Variants in SLC10A7 observed in about 807,000 individuals in gnomAD.
The protein encoded by SLC10A7 is sodium/bile acid cotransporter 7.
A neutral mutation model predicts 43.2 loss-of-function variants in SLC10A7; 29 were observed. The ratio of observed to expected loss-of-function variants is 0.67; its 90% CI spans 0.50 to 0.92. The LOEUF is 0.92. Ranked by LOEUF, SLC10A7 falls within the 40% of genes least tolerant of loss-of-function variation. The probability of loss-of-function intolerance (pLI) is 0.00; values close to 1 mark genes in which losing one functional copy is unlikely to be tolerated. For missense variants in SLC10A7, 295 were observed against 403.2 expected (o/e 0.73, Z 2.30); for synonymous variants, 152 against 144.8 (o/e 1.05, Z -0.35).
At chr4:146,407,944 C>T (rs1261467826) in intron 5 of SLC10A7, among the ~76,000 whole-genome samples, 4 of 152,132 alleles carry the variant, frequency 2.6e-5, no homozygotes, top group African/African-American at 9.7e-5. Context: ...TCATTTCCTA[C>T]ACGTGCCATA....
chr4:146,372,978 T>C (rs1736899355), intron 5 of SLC10A7, among the ~76,000 whole-genome samples: 1 of 152,212 alleles, frequency 6.6e-6, no homozygotes, highest in Non-Finnish European at 1.5e-5. Flanking sequence ...TCAATAGGTC[T>C]GTCTTGAAGA....
At chr4:146,382,859 T>C (rs528625117) in intron 5 of SLC10A7, among the ~76,000 whole-genome samples, 1 of 152,118 alleles carries the variant, frequency 6.6e-6, no homozygotes, top group African/African-American at 2.4e-5. Flanking sequence ...TCTTGACCCA[T>C]GAAACTCTTT....
At chr4:146,506,225 C>T (rs529524047) in intron 3 of SLC10A7, among the ~76,000 whole-genome samples, 29 of 152,156 alleles carry the variant, frequency 1.9e-4, no homozygotes, top group Admixed American at 3.3e-4. Context: ...TGTGCCACTG[C>T]ACTCCAGCTG....
chr4:146,426,079 G>A (rs1004628909), intron 5 of SLC10A7, among the ~76,000 whole-genome samples: 2 of 152,156 alleles, frequency 1.3e-5, no homozygotes, highest in African/African-American at 4.8e-5. Context: ...CATTATGTAT[G>A]ATTAATGTGA....
chr4:146,266,592 TA>T (rs1728572961), intron 10 of SLC10A7, among the ~76,000 whole-genome samples: 1 of 152,214 alleles, frequency 6.6e-6, no homozygotes, highest in African/African-American at 2.4e-5. Flanking sequence ...CTTGACAAGG[TA>T]AAACAAGGGC....
chr4:146,368,745 G>C (rs1736562638), intron 5 of SLC10A7, among the ~76,000 whole-genome samples: 3 of 151,918 alleles, frequency 2.0e-5, no homozygotes, highest in Admixed American at 2.0e-4. Context: ...TTCTCCAAAT[G>C]GACAGTTTCC....
At chr4:146,267,938 G>A (rs1477146695) in intron 10 of SLC10A7, among the ~76,000 whole-genome samples, 2 of 152,062 alleles carry the variant, frequency 1.3e-5, no homozygotes, top group East Asian at 3.9e-4. Flanking sequence ...TCTTGCACCA[G>A]TTTATCAGAT....
intron 5 of SLC10A7, among the ~76,000 whole-genome samples, chr4:146,418,898 AC>A (rs1470040381): frequency 6.6e-6 from 1 of 151,994 alleles, no homozygotes; most frequent in Non-Finnish European, 1.5e-5. Flanking sequence ...GGTTCCCACA[AC>A]CCCTCCTCAT....
chr4:146,352,404 C>A, intron 5 of SLC10A7, among the ~76,000 whole-genome samples: 2 of 79,894 alleles, frequency 2.5e-5, no homozygotes, highest in Non-Finnish European at 4.8e-5. Flanking sequence ...GAGTGACCTA[C>A]AAAGAGACTT....
intron 5 of SLC10A7, among the ~76,000 whole-genome samples, chr4:146,404,122 T>C (rs1177613395): frequency 2.6e-5 from 4 of 152,118 alleles, no homozygotes; most frequent in Non-Finnish European, 5.9e-5. Context: ...GCTCAAGTGA[T>C]CCTCCCACCT....
chr4:146,462,727 G>T (rs562228804), intron 4 of SLC10A7, among the ~76,000 whole-genome samples: 9 of 152,236 alleles, frequency 5.9e-5, no homozygotes, highest in African/African-American at 1.9e-4. Flanking sequence ...TGCAATAGCT[G>T]TACCACCACA....
In SLC10A7 at chr4:146,439,936, C is replaced by T. The variant is rs116198702; in HGVS notation, c.435+2847G>A. Among the ~76,000 whole-genome samples, 640 of 152,256 alleles carry T rather than the reference C, an allele frequency of 4.2e-3. 6 individuals carry two copies. The highest frequency in any genetic ancestry group is 0.014 in the African/African-American group (602 of 41,568). ...AAAGTTTACAATTTGGAATTTCACT[C>T]CTCTAAAATAAATCTTCTTCCTAAT... On this transcript the variant is annotated intron_variant, in intron 5 of 11. Coordinates refer to ENST00000335472, the MANE Select transcript of SLC10A7 (RefSeq NM_001029998.6).
chr4:146,336,247 CAGAT>C (rs1342233464), intron 5 of SLC10A7, among the ~76,000 whole-genome samples: 1 of 152,088 alleles, frequency 6.6e-6, no homozygotes, highest in African/African-American at 2.4e-5. Context: ...CCATAGTTTG[CAGAT>C]CTCTGCTCTG....
intron 4 of SLC10A7, among the ~76,000 whole-genome samples, chr4:146,452,503 T>TATAAAAAG (rs1386427998): frequency 6.6e-6 from 1 of 152,164 alleles, no homozygotes; most frequent in Non-Finnish European, 1.5e-5. Flanking sequence ...TCTAAAGTGC[T>TATAAAAAG]ATAAAAAGTC....
intron 5 of SLC10A7, among the ~76,000 whole-genome samples, chr4:146,358,094 C>G (rs988441600): frequency 9.3e-5 from 14 of 150,694 alleles, no homozygotes; most frequent in African/African-American, 3.4e-4. Context: ...AAAGAGCTAG[C>G]TTTTGAAGAT....
intron 4 of SLC10A7, among the ~76,000 whole-genome samples, chr4:146,445,879 C>G (rs1731009769): frequency 7.9e-6 from 1 of 126,796 alleles, no homozygotes; most frequent in African/African-American, 3.1e-5. Flanking sequence ...TCTCTCTTCT[C>G]TCTTCTCTCT....
intron 5 of SLC10A7, among the ~76,000 whole-genome samples, chr4:146,341,798 T>C (rs1432670592): frequency 6.6e-6 from 1 of 151,882 alleles, no homozygotes; most frequent in Non-Finnish European, 1.5e-5. Flanking sequence ...ACTAGTTTTT[T>C]ATTTAAAAAT....
chr4:146,452,805 T>C lies in SLC10A7; in HGVS notation c.397-9984A>G, dbSNP rs920910975. 1.5e-4 allele frequency among the ~76,000 whole-genome samples: 23 copies of C among 152,028 alleles called. 2 individuals carry two copies. The highest frequency in any genetic ancestry group is 1.4e-3 in the Admixed American group (22 of 15,238). On this transcript the variant is annotated intron_variant, in intron 4 of 11. Transcript: ENST00000335472. ...TGTGATACCATTTTTATATATATCA[T>C]TGTATTTTTTAAGTACCATTACTTA... is the stretch of plus-strand genomic sequence containing the variant.
At chr4:146,446,850 A>C (rs1731143302) in intron 4 of SLC10A7, among the ~76,000 whole-genome samples, 1 of 152,034 alleles carries the variant, frequency 6.6e-6, no homozygotes, top group South Asian at 2.1e-4. Context: ...TACTCTTTTA[A>C]AATTTTTATC....
Sources: gnomAD v4.1 joint callset for allele counts (sites outside exome capture counted in the v4.1 genomes callset) on GRCh38, gnomAD v4.1.1 for gene constraint, MANE v1.5 for transcripts, NCBI Gene and HGNC (gene_info 2026-07-23, HGNC 2026-07-21) for gene names.